Variants in ATP2C2 observed in about 807,000 individuals in gnomAD.
The protein encoded by ATP2C2 is ATPase secretory pathway Ca2+ transporting 2, also known as calcium-transporting ATPase type 2C member 2.
Under a neutral mutation model 110.8 loss-of-function variants are expected in ATP2C2, and 171 were observed. The ratio of observed to expected loss-of-function variants is 1.54; its 90% CI spans 1.36 to 1.75. The LOEUF is 1.75. Ranked by LOEUF, ATP2C2 falls within the 40% of genes most tolerant of loss-of-function variation. The pLI is 0.00. For missense variants in ATP2C2, 1,963 were observed against 1,235.0 expected (o/e 1.59, Z -8.84); for synonymous variants, 804 against 508.4 (o/e 1.58, Z -7.82).
At chr16:84,376,513 CATT>C (rs1910258196) in intron 1 of ATP2C2, among the ~76,000 whole-genome samples, 1 of 150,446 alleles carries the variant, frequency 6.6e-6, no homozygotes, top group African/African-American at 2.4e-5. Context: ...TTTCTTAACA[CATT>C]ATGAGATTTT....
At chr16:84,390,483 C>T (rs1012426937) in intron 1 of ATP2C2, among the ~76,000 whole-genome samples, 13 of 152,214 alleles carry the variant, frequency 8.5e-5, no homozygotes, top group Admixed American at 5.2e-4. Flanking sequence ...CGCTCACCGT[C>T]GCCCGCGTGG....
intron 24 of ATP2C2, 126 bp downstream of exon 24, chr16:84,460,927 A>G: frequency 5.3e-6 from 7 of 1,322,868 alleles, no homozygotes; most frequent in South Asian, 1.5e-5. Context: ...ACACCGGACA[A>G]TGTGATGCCA....
rs112143739 is a variant in ATP2C2, at chr16:84,446,087, A to G, written c.1402-242A>G. On this transcript the variant is annotated intron_variant, in intron 15 of 26. Coordinates refer to ENST00000262429, the MANE Select transcript of ATP2C2 (RefSeq NM_014861.4). ...AAACACTGCAGGTTTGTTTCTAAGCAGATTTCAGATAGAAGCTGTTGCAAA... is the reference window on the plus strand; with the variant it reads ...AAACACTGCAGGTTTGTTTCTAAGCGGATTTCAGATAGAAGCTGTTGCAAA... Among the ~76,000 whole-genome samples, 964 of 152,258 alleles carry G rather than the reference A, an allele frequency of 6.3e-3. 14 individuals are homozygous for G. The highest frequency in any genetic ancestry group is 0.022 in the African/African-American group (904 of 41,534).
At chr16:84,394,032 G>C (rs1275840404) in intron 1 of ATP2C2, among the ~76,000 whole-genome samples, 3 of 149,064 alleles carry the variant, frequency 2.0e-5, no homozygotes, top group Admixed American at 6.7e-5. Context: ...AAAATAAAAA[G>C]GCCTGGTGTG....
intron 14 of ATP2C2, among the ~76,000 whole-genome samples, chr16:84,441,242 G>C (rs1597842281): frequency 6.6e-6 from 1 of 152,252 alleles, no homozygotes; most frequent in South Asian, 2.1e-4. Flanking sequence ...AGACCAGCCT[G>C]AGCAACGTAG....
At chr16:84,425,643 T>C in intron 10 of ATP2C2, 92 bp from the exon 11 acceptor site, 1 of 1,421,330 alleles carries the variant, frequency 7.0e-7, no homozygotes, top group Non-Finnish European at 9.9e-7. Flanking sequence ...CATGCATTCC[T>C]GTAAACTCTT....
chr16:84,430,280 A>G (rs1165382270), intron 11 of ATP2C2, among the ~76,000 whole-genome samples: 4 of 152,204 alleles, frequency 2.6e-5, no homozygotes, highest in Non-Finnish European at 5.9e-5. Flanking sequence ...GGCCTGAGCC[A>G]GGGCTGGGAA....
intron 2 of ATP2C2, 46 bp from the exon 3 acceptor site, chr16:84,405,082 C>G (rs1332609297): frequency 2.4e-5 from 37 of 1,530,898 alleles, no homozygotes; most frequent in Non-Finnish European, 3.3e-5. Flanking sequence ...TTGCCTCATT[C>G]CTTGCTGCGC....
At chr16:84,451,010 G>A (rs909793247) in intron 17 of ATP2C2, among the ~76,000 whole-genome samples, 1 of 152,144 alleles carries the variant, frequency 6.6e-6, no homozygotes, top group Admixed American at 6.5e-5. Flanking sequence ...ACCATGAGTG[G>A]TGTATTAGTT....
intron 11 of ATP2C2, among the ~76,000 whole-genome samples, chr16:84,428,180 A>G (rs962423462): frequency 6.6e-6 from 1 of 152,218 alleles, no homozygotes; most frequent in African/African-American, 2.4e-5. Context: ...GGGCAAGAGA[A>G]TCTTGCTTTA....
chr16:84,404,420 A>T (rs946183851), intron 2 of ATP2C2: 1 of 161,612 alleles, frequency 6.2e-6, no homozygotes, highest in Non-Finnish European at 1.4e-5. Flanking sequence ...TATGTAATTC[A>T]TATGTGGAAT....
intron 7 of ATP2C2, among the ~76,000 whole-genome samples, chr16:84,417,351 TCTC>T (rs1485364479): frequency 6.6e-6 from 1 of 152,126 alleles, no homozygotes; most frequent in African/African-American, 2.4e-5. Context: ...TGAGCTTCGA[TCTC>T]CTCATCTCTA....
At chr16:84,389,396 G>A (rs1904514298) in intron 1 of ATP2C2, among the ~76,000 whole-genome samples, 1 of 152,228 alleles carries the variant, frequency 6.6e-6, no homozygotes. Context: ...CGAGTTTTGA[G>A]CATCTCTCGG....
chr16:84,390,422 C>G (rs1447026998), intron 1 of ATP2C2, among the ~76,000 whole-genome samples: 2 of 152,232 alleles, frequency 1.3e-5, no homozygotes, highest in Non-Finnish European at 2.9e-5. Flanking sequence ...GGTGCAGCTT[C>G]TCTTGGAAAC....
In ATP2C2 at chr16:84,438,596, G is replaced by T. The variant is rs111552951; in HGVS notation, c.987-570G>T. ...AGAGTGGGGTCGCACCGTACAGGGAGAGTTGGAGGGGTAAGAAAGAAGTGA... is the reference window on the plus strand; with the variant it reads ...AGAGTGGGGTCGCACCGTACAGGGATAGTTGGAGGGGTAAGAAAGAAGTGA... On this transcript the variant is annotated intron_variant, in intron 11 of 26. Transcript: ENST00000262429. Among the ~76,000 whole-genome samples, 974 of 152,294 alleles carry T rather than the reference G, an allele frequency of 6.4e-3. 11 individuals are homozygous for T. Among genetic ancestry groups the T allele is most frequent in the African/African-American group, 0.023 (936 of 41,526 alleles).
At chr16:84,384,068 T>C (rs889181923) in intron 1 of ATP2C2, among the ~76,000 whole-genome samples, 7 of 152,094 alleles carry the variant, frequency 4.6e-5, no homozygotes, top group South Asian at 4.1e-4. Flanking sequence ...GGATTATAGG[T>C]GTCAGCCACT....
chr16:84,408,653 C>G (rs543543073), intron 4 of ATP2C2, among the ~76,000 whole-genome samples, 159 bp downstream of exon 4: 1 of 151,940 alleles, frequency 6.6e-6, no homozygotes, highest in African/African-American at 2.4e-5. Context: ...CCTTCTTTAC[C>G]CTAATATCAA....
chr16:84,410,644 G>C, intron 5 of ATP2C2, 41 bp downstream of exon 5: 2 of 1,613,752 alleles, frequency 1.2e-6, no homozygotes, highest in Non-Finnish European at 1.7e-6. Context: ...AAGCTGGGCG[G>C]GACAGGAGCT....
At chr16:84,438,997 G>C in intron 11 of ATP2C2, 169 bp from the exon 12 acceptor site, 1 of 968,378 alleles carries the variant, frequency 1.0e-6, no homozygotes, top group Non-Finnish European at 1.5e-6. Flanking sequence ...AGGACAGTGG[G>C]TGCTGCAGAA....
Sources: gnomAD v4.1 joint callset for allele counts (sites outside exome capture counted in the v4.1 genomes callset) on GRCh38, gnomAD v4.1.1 for gene constraint, MANE v1.5 for transcripts, NCBI Gene and HGNC (gene_info 2026-07-23, HGNC 2026-07-21) for gene names.